Variants in RERG observed in about 807,000 individuals in gnomAD.
RERG encodes the protein ras-related and estrogen-regulated growth inhibitor.
Under a neutral mutation model 23.2 loss-of-function variants are expected in RERG, and 25 were observed. The ratio of observed to expected loss-of-function variants is 1.08; its 90% confidence interval spans 0.79 to 1.50. The LOEUF (loss-of-function observed/expected upper bound fraction) is 1.50, where lower values mean the gene tolerates loss of function less well. Ranked by LOEUF, RERG falls within the 40% of genes most tolerant of loss-of-function variation. The pLI, the probability that RERG is intolerant of heterozygous loss-of-function variation, is 0.00. For missense variants in RERG, 253 were observed against 250.1 expected (o/e 1.01, Z -0.08); for synonymous variants, 81 against 89.1 (o/e 0.91, Z 0.51).
intron 2 of RERG, among the ~76,000 whole-genome samples, chr12:15,143,847 T>G (rs1402550171): frequency 6.6e-6 from 1 of 152,168 alleles, no homozygotes; most frequent in Non-Finnish European, 1.5e-5. Flanking sequence ...AAAGAAGGTT[T>G]CACTAACAAG....
intron 2 of RERG, among the ~76,000 whole-genome samples, chr12:15,128,365 C>G (rs1315328308): frequency 6.6e-6 from 1 of 152,126 alleles, no homozygotes; most frequent in East Asian, 1.9e-4. Context: ...GGCGATGAAG[C>G]AGTATGCTAA....
intron 3 of RERG, among the ~76,000 whole-genome samples, chr12:15,115,715 C>G (rs1863707711): frequency 6.6e-6 from 1 of 152,108 alleles, no homozygotes; most frequent in South Asian, 2.1e-4. Flanking sequence ...TTTTTTCTAT[C>G]TACCTCATGT....
chr12:15,151,088 G>A (rs1468729197), intron 2 of RERG, among the ~76,000 whole-genome samples: 2 of 152,126 alleles, frequency 1.3e-5, no homozygotes, highest in East Asian at 1.9e-4. Context: ...CTACCCCAGG[G>A]GAGCATTCTA....
intron 2 of RERG, among the ~76,000 whole-genome samples, chr12:15,147,808 C>T (rs1202804954): frequency 1.3e-5 from 2 of 152,114 alleles, no homozygotes; most frequent in Admixed American, 1.3e-4. Flanking sequence ...GGAATCCTAC[C>T]AGTTCTATAC....
At chr12:15,170,695 A>G (rs892963055) in intron 2 of RERG, among the ~76,000 whole-genome samples, 1 of 152,206 alleles carries the variant, frequency 6.6e-6, no homozygotes, top group South Asian at 2.1e-4. Context: ...TGCAGTGTGA[A>G]GGCACACTGA....
At chr12:15,132,376 A>C (rs1864064075) in intron 2 of RERG, among the ~76,000 whole-genome samples, 1 of 152,172 alleles carries the variant, frequency 6.6e-6, no homozygotes, top group South Asian at 2.1e-4. Context: ...TGGATTGATC[A>C]CTTATTTCCT....
At chr12:15,211,622 G>T (rs1354398336) in intron 2 of RERG, among the ~76,000 whole-genome samples, 1 of 152,126 alleles carries the variant, frequency 6.6e-6, no homozygotes, top group African/African-American at 2.4e-5. Context: ...GCACAGAATG[G>T]TGACTATAGT....
At chr12:15,202,025 T>G (rs754827049) in intron 2 of RERG, among the ~76,000 whole-genome samples, 4 of 151,804 alleles carry the variant, frequency 2.6e-5, no homozygotes, top group Non-Finnish European at 5.9e-5. Flanking sequence ...TCAAAAGCCC[T>G]TCTTCCTTCC....
intron 2 of RERG, among the ~76,000 whole-genome samples, chr12:15,146,700 C>T (rs377352802): frequency 1.3e-5 from 2 of 152,148 alleles, no homozygotes; most frequent in African/African-American, 4.8e-5. Flanking sequence ...AGAACCAAAG[C>T]ATGTAAAGTG....
At chr12:15,189,559 C>T (rs1296250694) in intron 2 of RERG, among the ~76,000 whole-genome samples, 1 of 152,126 alleles carries the variant, frequency 6.6e-6, no homozygotes, top group Non-Finnish European at 1.5e-5. Context: ...TACTGACACA[C>T]TGTGTATTGA....
At chr12:15,123,742 T>A (rs905236560) in intron 2 of RERG, among the ~76,000 whole-genome samples, 11 of 151,842 alleles carry the variant, frequency 7.2e-5, no homozygotes, top group Non-Finnish European at 1.3e-4. Context: ...TTGACTCCCT[T>A]CCCTCTCCAT....
chr12:15,198,739 A>C (rs1343527303), intron 2 of RERG, among the ~76,000 whole-genome samples: 1 of 152,118 alleles, frequency 6.6e-6, no homozygotes, highest in Non-Finnish European at 1.5e-5. Flanking sequence ...AAGCCACTTA[A>C]CATTTCATGG....
At chr12:15,155,870 CT>C (rs60307608) in intron 2 of RERG, among the ~76,000 whole-genome samples, 122,549 of 151,236 alleles carry the variant, frequency 0.81, 49,822 homozygotes, top group African/African-American at 0.87. Context: ...CATAATAATA[CT>C]TTTTAAATAT....
intron 2 of RERG, among the ~76,000 whole-genome samples, chr12:15,175,985 A>G (rs1053754133): frequency 6.6e-6 from 1 of 152,212 alleles, no homozygotes; most frequent in African/African-American, 2.4e-5. Context: ...AATGAGGTTC[A>G]GCAGTTTTTC....
At chr12:15,208,613 T>C (rs1421751608) in intron 2 of RERG, among the ~76,000 whole-genome samples, 1 of 152,136 alleles carries the variant, frequency 6.6e-6, no homozygotes, top group African/African-American at 2.4e-5. Flanking sequence ...CTGTACGATA[T>C]GCAGGGATAC....
rs117930013 is a variant in RERG at position 15,146,984 on chromosome 12, C to T, written c.62-25865G>A. On this transcript the variant is annotated intron_variant, in intron 2 of 4. Coordinates refer to ENST00000256953, the MANE Select transcript of RERG (RefSeq NM_032918.3). ...ATTCAAATATTCTTAAAAGGAAAGC[C>T]TACATCTCCTTCAAAAACGCCTTCT... Among the ~76,000 whole-genome samples, 106 of 151,820 alleles carry T rather than the reference C, an allele frequency of 7.0e-4. No homozygotes were observed. The East Asian group carries it at 0.015, about 22-fold the overall frequency.
intron 2 of RERG, among the ~76,000 whole-genome samples, chr12:15,136,620 T>A (rs1864148747): frequency 6.6e-6 from 1 of 152,044 alleles, no homozygotes. Flanking sequence ...TTAGTTCAAA[T>A]TATTTTAAAT....
chr12:15,121,678 C>T (rs182349586), intron 2 of RERG, among the ~76,000 whole-genome samples: 2 of 152,304 alleles, frequency 1.3e-5, no homozygotes, highest in South Asian at 2.1e-4. Flanking sequence ...AACGATGCTA[C>T]GCAGTTTGCT....
At chr12:15,126,370 C>A (rs545084843) in intron 2 of RERG, among the ~76,000 whole-genome samples, 1 of 151,930 alleles carries the variant, frequency 6.6e-6, no homozygotes, top group South Asian at 2.1e-4. Context: ...AACACTATTC[C>A]CTTAATTCTA....
Sources: gnomAD v4.1 joint callset for allele counts (sites outside exome capture counted in the v4.1 genomes callset) on GRCh38, gnomAD v4.1.1 for gene constraint, MANE v1.5 for transcripts, NCBI Gene and HGNC (gene_info 2026-07-23, HGNC 2026-07-21) for gene names.